Variants in HDAC4 observed in about 807,000 individuals in gnomAD.
HDAC4 encodes the protein histone deacetylase A.
A neutral mutation model predicts 135.1 loss-of-function variants in HDAC4; 16 were observed. That is an observed-to-expected ratio of 0.12 (90% CI 0.08 to 0.18). The LOEUF is 0.18. Ranked by LOEUF, HDAC4 falls within the 10% of genes least tolerant of loss-of-function variation. HDAC4 has a pLI of 1.00. For missense variants in HDAC4, 1,143 were observed against 1,511.8 expected (o/e 0.76, Z 4.05); for synonymous variants, 685 against 653.4 (o/e 1.05, Z -0.74).
Position 239,346,775 on chromosome 2 carries a change from T to G in HDAC4, c.22+5903A>C, listed in dbSNP as rs532172443. On this transcript the variant is annotated intron_variant, in intron 2 of 26. Transcript: ENST00000543185. ...ACACACCCTGTCTAAACACACACCC[T>G]AACACATACACCGTCTCACACACAC... Among the ~76,000 whole-genome samples the G allele has an allele frequency of 4.4e-3, 538 of 122,566 alleles. 5 individuals are homozygous for G. Among genetic ancestry groups the G allele is most frequent in the African/African-American group, 0.015 (480 of 32,058 alleles). The allele number at this position is 122,566 out of a possible 152,430, so 80.4% of individuals were successfully genotyped here. A position where few individuals can be genotyped will look rare whatever the true frequency, so the allele number is the denominator to read the frequency against.
chr2:239,285,130 G>C lies in HDAC4; in HGVS notation c.23-48466C>G, dbSNP rs2051061141. Among the ~76,000 whole-genome samples, 1 of 152,172 alleles carries C rather than the reference G, an allele frequency of 6.6e-6. No individual in the cohort carries two copies. The highest frequency in any genetic ancestry group is 1.9e-4 in the East Asian group (1 of 5,182). ...ACCTTCATGGCAACCTGGAAGGCCA[G>C]GTTCAAAGTTCAAAGTTCAAAGACT... On this transcript the variant is annotated intron_variant, in intron 2 of 26. Transcript: ENST00000543185. The surrounding 1 kb of genome is among the most constrained non-coding windows in gnomAD (Gnocchi z 4.5).
Position 239,087,556 on chromosome 2 carries a change from C to T in HDAC4, c.2444+3G>A. ...GCTGTGCGGGGCTGCGGCGTGTACT[C>T]ACATGGGCGTGCTCTCCTCCGCATG... On this transcript the variant is annotated splice_donor_region_variant and intron_variant, in intron 19 of 26. Transcript: ENST00000543185. The T allele has an allele frequency of 6.2e-7, 1 of 1,613,230 alleles. No individual in the cohort carries two copies. The highest frequency in any genetic ancestry group is 8.5e-7 in the Non-Finnish European group (1 of 1,179,712).
At chr2:239,380,030 T>G (rs1695303510) in intron 1 of HDAC4, among the ~76,000 whole-genome samples, 3 of 151,878 alleles carry the variant, frequency 2.0e-5, no homozygotes, top group Non-Finnish European at 4.4e-5. Context: ...GCGCCAAGAC[T>G]CCACTGGGCT....
At chr2:239,276,911 C>T (rs1340729632) in intron 2 of HDAC4, among the ~76,000 whole-genome samples, 4 of 152,134 alleles carry the variant, frequency 2.6e-5, no homozygotes, top group African/African-American at 9.7e-5. Context: ...CACAAAATCC[C>T]CCAACCCTGA....
intron 19 of HDAC4, among the ~76,000 whole-genome samples, chr2:239,086,494 C>T (rs4852017): frequency 0.34 from 50,666 of 150,054 alleles, 8,513 homozygotes; most frequent in Admixed American, 0.46. Context: ...TCCCTGCACA[C>T]GAAGGAGACT....
chr2:239,118,942 G>T (rs1355965684), intron 12 of HDAC4, among the ~76,000 whole-genome samples: 3 of 152,184 alleles, frequency 2.0e-5, no homozygotes, highest in African/African-American at 7.2e-5. Context: ...AGGCCCTGTG[G>T]GGGGCAGGGA....
At chr2:239,210,099 C>G (rs1214874483) in intron 3 of HDAC4, among the ~76,000 whole-genome samples, 1 of 152,096 alleles carries the variant, frequency 6.6e-6, no homozygotes, top group Non-Finnish European at 1.5e-5. Context: ...CTCCTTAGGA[C>G]AGCCACCCTT....
At chr2:239,118,919 C>T (rs1270647479) in intron 12 of HDAC4, among the ~76,000 whole-genome samples, 1 of 152,186 alleles carries the variant, frequency 6.6e-6, no homozygotes, top group Non-Finnish European at 1.5e-5. Context: ...TTCCTGCACA[C>T]TGAGAGCCTG....
intron 2 of HDAC4, chr2:239,298,680 C>A: frequency 1.1e-6 from 1 of 947,352 alleles, no homozygotes; most frequent in Non-Finnish European, 1.3e-6. Flanking sequence ...TATCCAGCAC[C>A]CAACAACGTG....
chr2:239,300,962 T>C (rs1215330309), intron 2 of HDAC4, among the ~76,000 whole-genome samples: 3 of 152,244 alleles, frequency 2.0e-5, no homozygotes, highest in African/African-American at 7.2e-5. Context: ...CCCTTAGCTC[T>C]GGGCTTCTCT....
rs577996856 is a variant in HDAC4, at chr2:239,345,351, C to G, written c.22+7327G>C. On this transcript the variant is annotated intron_variant, in intron 2 of 26. Coordinates refer to ENST00000543185, the MANE Select transcript of HDAC4 (RefSeq NM_001378414.1). ...ATTGCTTGAGTCCAGGAGTTGGAGA[C>G]CAGCCTGGACAACATGGTGAGATTC... Among the ~76,000 whole-genome samples, 4 of 152,192 alleles carry G rather than the reference C, an allele frequency of 2.6e-5. No individual in the cohort carries two copies. The East Asian group carries it at 7.7e-4, about 29-fold the overall frequency.
At chr2:239,221,584 G>C (rs1019659168) in intron 3 of HDAC4, among the ~76,000 whole-genome samples, 7 of 151,376 alleles carry the variant, frequency 4.6e-5, no homozygotes, top group African/African-American at 1.5e-4. Flanking sequence ...ACCTCGAGTT[G>C]CGCCTCAAAG....
intron 2 of HDAC4, among the ~76,000 whole-genome samples, chr2:239,237,592 AC>A (rs990521817): frequency 5.3e-5 from 8 of 151,320 alleles, no homozygotes; most frequent in African/African-American, 2.0e-4. Context: ...AAAAAAAAAA[AC>A]CCATTTTTTT....
chr2:239,289,285 C>T (rs1575618053), intron 2 of HDAC4, among the ~76,000 whole-genome samples: 1 of 152,122 alleles, frequency 6.6e-6, no homozygotes, highest in Non-Finnish European at 1.5e-5. Context: ...ATCTTTATGG[C>T]CTTGAGGTAG....
chr2:239,273,674 A>G (rs1033716433), intron 2 of HDAC4, among the ~76,000 whole-genome samples: 20 of 152,212 alleles, frequency 1.3e-4, no homozygotes, highest in African/African-American at 4.6e-4. Flanking sequence ...AGGTCACCAG[A>G]AAGAGAGGGA....
rs1051669299 is a variant in HDAC4, at chr2:239,331,216, A to G, written c.22+21462T>C. Among the ~76,000 whole-genome samples the G allele has an allele frequency of 2.0e-5, 3 of 152,258 alleles. No homozygotes were observed. The highest frequency in any genetic ancestry group is 7.2e-5 in the African/African-American group (3 of 41,536). On this transcript the variant is annotated intron_variant, in intron 2 of 26. Transcript: ENST00000543185. The surrounding 1 kb of genome is among the most constrained non-coding windows in gnomAD (Gnocchi z 4.5). ...TGGCACGAAACTCAACGTCCTGCAC[A>G]TGATTCCTAAAGCTAAATCTGGAAT...
chr2:239,279,288 CAG>C (rs1419096342), intron 2 of HDAC4, among the ~76,000 whole-genome samples: 3 of 152,258 alleles, frequency 2.0e-5, no homozygotes, highest in African/African-American at 7.2e-5. Flanking sequence ...GAGCTGAAAA[CAG>C]TGACTGAACA....
intron 2 of HDAC4, among the ~76,000 whole-genome samples, chr2:239,336,781 T>C (rs928888791): frequency 6.6e-6 from 1 of 152,242 alleles, no homozygotes; most frequent in African/African-American, 2.4e-5. Flanking sequence ...TGGGAACCAA[T>C]ACTGACATTA....
rs542606435 is a variant in HDAC4, at chr2:239,082,207, T to C, written c.2547A>G (p.Gly849=). Residue 849 remains glycine, a synonymous_variant, in exon 21 of 27, where the codon GGA becomes GGG. Transcript: ENST00000543185. ...ILIVDWDVHH[G]NGTQQAFYSD... ...TGTAGAAAGCCTGCTGGGTCCCGTT[T>C]CCATGGTGCACGTCCTTAAAGAGCA... 1.1e-5 allele frequency: 18 copies of C among 1,614,222 alleles called. No individual in the cohort carries two copies. The East Asian group carries it at 3.6e-4, about 32-fold the overall frequency.
Sources: gnomAD v4.1 joint callset for allele counts (sites outside exome capture counted in the v4.1 genomes callset) on GRCh38, gnomAD v4.1.1 for gene constraint, Gnocchi (gnomAD v3.1) non-coding constraint, MANE v1.5 for transcripts, NCBI Gene and HGNC (gene_info 2026-07-23, HGNC 2026-07-21) for gene names.